DGAT2: variants seen among roughly 807,000 people sequenced by gnomAD.
DGAT2 encodes the protein acyl-CoA retinol O-fatty-acyltransferase.
DGAT2 carries 33 observed loss-of-function variants against 48.4 expected under a neutral mutation model. The observed-to-expected ratio is 0.68, with a 90% CI of 0.52 to 0.91. The LOEUF is 0.91. Ranked by LOEUF, DGAT2 falls within the 40% of genes least tolerant of loss-of-function variation. DGAT2 has a pLI of 0.00. For synonymous variants in DGAT2, 191 were observed against 194.1 expected, an observed-to-expected ratio of 0.98 and a Z score of 0.13; for missense variants, 446 against 493.7, an observed-to-expected ratio of 0.90 and a Z score of 0.92.
intron 7 of DGAT2, among the ~76,000 whole-genome samples, chr11:75,799,457 G>A (rs528438862): frequency 2.0e-5 from 3 of 152,146 alleles, no homozygotes; most frequent in Non-Finnish European, 4.4e-5. Flanking sequence ...AGATGGAAGA[G>A]ATGTGCATGA....
At chr11:75,775,421 G>A (rs1944794917) in intron 1 of DGAT2, among the ~76,000 whole-genome samples, 1 of 152,188 alleles carries the variant, frequency 6.6e-6, no homozygotes, top group African/African-American at 2.4e-5. Context: ...ATGTCCCAGT[G>A]GGCCCTGCTT....
chr11:75,788,676 G>C (rs1944949265), intron 2 of DGAT2, among the ~76,000 whole-genome samples: 1 of 152,176 alleles, frequency 6.6e-6, no homozygotes, highest in Admixed American at 6.5e-5. Flanking sequence ...ATGACATCCA[G>C]AGCCAGGCAG....
In DGAT2 at chr11:75,771,882, A is replaced by G. The variant is rs543655422; in HGVS notation, c.121+2770A>G. On this transcript the variant is annotated intron_variant, in intron 1 of 7. Transcript: ENST00000228027. Reference sequence around the variant, plus strand: ...AGTGTTGAAATCCTGCCCCACCTCCACCCTCCTGCCCTCAAATTCAACAGC... The same window carrying G: ...AGTGTTGAAATCCTGCCCCACCTCCGCCCTCCTGCCCTCAAATTCAACAGC... Among the ~76,000 whole-genome samples, 4 of 151,954 alleles carry G rather than the reference A, an allele frequency of 2.6e-5. No homozygotes were observed. In the East Asian group the frequency reaches 7.7e-4, roughly 29 times the overall value.
intron 4 of DGAT2, among the ~76,000 whole-genome samples, chr11:75,792,006 T>C (rs1052236088): frequency 3.3e-5 from 5 of 152,312 alleles, no homozygotes; most frequent in African/African-American, 1.2e-4. Context: ...GATAGACTGT[T>C]CTTTCTGCTT....
intron 1 of DGAT2, among the ~76,000 whole-genome samples, chr11:75,780,630 C>A (rs1944851841): frequency 6.6e-6 from 1 of 152,174 alleles, no homozygotes; most frequent in Non-Finnish European, 1.5e-5. Context: ...TCATTCATTT[C>A]TCCCCTTCCC....
chr11:75,800,246 TC>T (rs1945096121), intron 7 of DGAT2, 107 bp from the exon 8 acceptor site: 1 of 1,338,196 alleles, frequency 7.5e-7, no homozygotes, highest in Admixed American at 2.5e-5. Flanking sequence ...TTGGCACAGT[TC>T]CTTCCACATG....
chr11:75,797,848 C>T (rs541008224), intron 6 of DGAT2, among the ~76,000 whole-genome samples: 2 of 152,224 alleles, frequency 1.3e-5, no homozygotes, highest in East Asian at 1.9e-4. Flanking sequence ...ACAGTGACAA[C>T]ACAGTGTGCT....
At chr11:75,779,402 G>A (rs914646494) in intron 1 of DGAT2, among the ~76,000 whole-genome samples, 1 of 152,144 alleles carries the variant, frequency 6.6e-6, no homozygotes, top group African/African-American at 2.4e-5. Context: ...TTTAAGTCCT[G>A]GCTCCCACAC....
chr11:75,777,846 C>G (rs1027738580), intron 1 of DGAT2, among the ~76,000 whole-genome samples: 1 of 152,194 alleles, frequency 6.6e-6, no homozygotes, highest in Non-Finnish European at 1.5e-5. Context: ...GCCCCTCTCT[C>G]TATCTCATTG....
chr11:75,801,054 A>C lies in DGAT2; in HGVS notation c.*546A>C, dbSNP rs1590879527. ...ATCTCCCTTCTGCCACCCCTACCTCACCCCTAGTCACTCATATCGGAGCCT... is the reference window on the plus strand; with the variant it reads ...ATCTCCCTTCTGCCACCCCTACCTCCCCCCTAGTCACTCATATCGGAGCCT... On this transcript the variant is annotated 3_prime_UTR_variant, in exon 8 of 8. Coordinates refer to ENST00000228027, the MANE Select transcript of DGAT2 (RefSeq NM_032564.5). The C allele has an allele frequency of 6.5e-6, 1 of 154,616 alleles. No individual in the cohort carries two copies. The highest frequency in any genetic ancestry group is 6.4e-5 in the Admixed American group (1 of 15,524). 9.6% of individuals were successfully genotyped at this position (154,616 alleles called of 1,614,324 possible). A position where few individuals can be genotyped will look rare whatever the true frequency, so the allele number is the denominator to read the frequency against.
At position 75,798,263 on chromosome 11, in the gene DGAT2, T is replaced by C. The variant is rs1359950186; in HGVS notation, c.846T>C (p.Asn282=). 5.0e-6 allele frequency: 8 copies of C among 1,614,150 alleles called. No homozygotes were observed. The highest frequency in any genetic ancestry group is 6.8e-6 in the Non-Finnish European group (8 of 1,180,022). Residue 282 remains asparagine, a synonymous_variant, in exon 7 of 8, where the codon AAT becomes AAC. Coordinates refer to ENST00000228027, the MANE Select transcript of DGAT2 (RefSeq NM_032564.5). ...DLVPIYSFGE[N]EVYKQVIFEE... ...TTCCCATCTACTCCTTTGGAGAGAA[T>C]GAAGTGTACAAGCAGGTGATCTTCG... is the stretch of plus-strand genomic sequence containing the variant.
intron 1 of DGAT2, among the ~76,000 whole-genome samples, chr11:75,780,223 C>T (rs1043606020): frequency 4.6e-5 from 7 of 152,166 alleles, no homozygotes; most frequent in African/African-American, 1.7e-4. Context: ...ATTGCAGCAT[C>T]GGCATCCCCA....
chr11:75,795,774 C>T, intron 4 of DGAT2: 1 of 153,920 alleles, frequency 6.5e-6, no homozygotes, highest in East Asian at 1.9e-4. Flanking sequence ...GGCTGCCTGT[C>T]TCATTCTGTG....
intron 1 of DGAT2, among the ~76,000 whole-genome samples, chr11:75,779,234 C>T (rs1467426830): frequency 6.6e-6 from 1 of 152,168 alleles, no homozygotes; most frequent in Admixed American, 6.5e-5. Flanking sequence ...CTAGAACATC[C>T]ACATGAGACT....
chr11:75,797,460 G>A, intron 6 of DGAT2, 128 bp downstream of exon 6: 2 of 1,156,826 alleles, frequency 1.7e-6, no homozygotes, highest in Non-Finnish European at 2.3e-6. Flanking sequence ...CATTCTGTTA[G>A]GGAGGGGATG....
chr11:75,773,252 G>A (rs1944774927), intron 1 of DGAT2, among the ~76,000 whole-genome samples: 1 of 152,142 alleles, frequency 6.6e-6, no homozygotes, highest in South Asian at 2.1e-4. Flanking sequence ...TAGGGACTGG[G>A]TGCTGGGGTT....
intron 2 of DGAT2, among the ~76,000 whole-genome samples, chr11:75,786,948 C>A (rs537231909): frequency 1.5e-4 from 23 of 152,270 alleles, no homozygotes; most frequent in African/African-American, 4.6e-4. Context: ...AATATCTATA[C>A]ATTAAAAAAG....
At chr11:75,771,696 C>T (rs1944759139) in intron 1 of DGAT2, among the ~76,000 whole-genome samples, 1 of 152,124 alleles carries the variant, frequency 6.6e-6, no homozygotes, top group African/African-American at 2.4e-5. Flanking sequence ...ACATTACTCT[C>T]ATGCTTCCCT....
At chr11:75,770,749 T>A (rs934156838) in intron 1 of DGAT2, among the ~76,000 whole-genome samples, 2 of 152,210 alleles carry the variant, frequency 1.3e-5, no homozygotes, top group Non-Finnish European at 2.9e-5. Context: ...ACCAAGCCAC[T>A]TAATATCATG....
Sources: gnomAD v4.1 joint callset for allele counts (sites outside exome capture counted in the v4.1 genomes callset) on GRCh38, gnomAD v4.1.1 for gene constraint, MANE v1.5 for transcripts, NCBI Gene and HGNC (gene_info 2026-07-23, HGNC 2026-07-21) for gene names.